The following ALK variants were observed in gnomAD, a reference collection of about 807,000 sequenced individuals.
The protein encoded by ALK is ALK tyrosine kinase receptor.
ALK carries 74 observed loss-of-function variants against 163.1 expected under a neutral mutation model. The ratio of observed to expected loss-of-function variants is 0.45; its 90% CI spans 0.38 to 0.55. The LOEUF is 0.55. Among genes scored for constraint, ALK ranks in the 20% least tolerant of loss-of-function variants. The pLI, the probability that ALK is intolerant of heterozygous loss-of-function variation, is 0.00. For missense variants in ALK, 2,063 were observed against 2,105.3 expected (o/e 0.98, Z 0.39); for synonymous variants, 960 against 843.2 (o/e 1.14, Z -2.40).
At chr2:29,798,306 C>A (rs1053217587) in intron 1 of ALK, among the ~76,000 whole-genome samples, 2 of 152,150 alleles carry the variant, frequency 1.3e-5, no homozygotes, top group Non-Finnish European at 2.9e-5. Flanking sequence ...TTTGGGAAAG[C>A]CAAGTACACT....
rs547868954 is a variant in ALK at position 29,365,715 on chromosome 2, G to C, written c.1282+18017C>G. On this transcript the variant is annotated intron_variant, in intron 5 of 28. Coordinates refer to ENST00000389048, the MANE Select transcript of ALK (RefSeq NM_004304.5). ...ACCAAAAAGGGTTGGGTATTTAATG[G>C]AACATCAGAATTTTAAAATATTTTG... Among the ~76,000 whole-genome samples the C allele has an allele frequency of 4.6e-5, 7 of 152,236 alleles. No individual in the cohort carries two copies. The South Asian group carries it at 1.5e-3, about 32-fold the overall frequency.
chr2:29,495,535 T>C (rs1454168833), intron 4 of ALK, among the ~76,000 whole-genome samples: 1 of 152,140 alleles, frequency 6.6e-6, no homozygotes, highest in Admixed American at 6.5e-5. Flanking sequence ...CCCTGGTGGT[T>C]TTCTTACCCT....
chr2:29,665,267 G>A (rs180817781), intron 3 of ALK, among the ~76,000 whole-genome samples: 7 of 151,984 alleles, frequency 4.6e-5, no homozygotes, highest in Admixed American at 1.3e-4. Context: ...GAATACAGGC[G>A]TGAACCACCA....
intron 25 of ALK, among the ~76,000 whole-genome samples, chr2:29,208,482 G>A (rs1558613669): frequency 6.6e-6 from 1 of 151,186 alleles, no homozygotes; most frequent in Non-Finnish European, 1.5e-5. Context: ...TGAGGAGGGA[G>A]AGGAAGGAAC....
chr2:29,816,666 T>G (rs1055259872), intron 1 of ALK, among the ~76,000 whole-genome samples: 5 of 152,156 alleles, frequency 3.3e-5, no homozygotes, highest in Admixed American at 2.6e-4. Flanking sequence ...GGCCACAAGG[T>G]CGGTCCCCCT....
intron 3 of ALK, among the ~76,000 whole-genome samples, chr2:29,564,890 C>T (rs1573460128): frequency 6.6e-6 from 1 of 152,284 alleles, no homozygotes; most frequent in East Asian, 1.9e-4. Flanking sequence ...TGTTCTCTTG[C>T]TTTATTACAG....
At chr2:29,694,180 A>G (rs1335690721) in intron 3 of ALK, among the ~76,000 whole-genome samples, 2 of 152,182 alleles carry the variant, frequency 1.3e-5, no homozygotes, top group Non-Finnish European at 2.9e-5. Context: ...CAATTTAACA[A>G]TTTAACAGTT....
At chr2:29,779,953 C>T (rs572750766) in intron 1 of ALK, among the ~76,000 whole-genome samples, 41 of 152,186 alleles carry the variant, frequency 2.7e-4, no homozygotes, top group Non-Finnish European at 5.1e-4. Flanking sequence ...CACCAGGAAA[C>T]TGTCTTACAT....
chr2:29,715,116 C>G (rs1679208935), intron 2 of ALK, among the ~76,000 whole-genome samples: 1 of 152,134 alleles, frequency 6.6e-6, no homozygotes, highest in African/African-American at 2.4e-5. Context: ...GGCCAAGCAC[C>G]CAGAGATGGT....
chr2:29,576,113 C>A (rs915960549), intron 3 of ALK, among the ~76,000 whole-genome samples: 2 of 152,166 alleles, frequency 1.3e-5, no homozygotes, highest in Non-Finnish European at 2.9e-5. Context: ...CTGGGGCTGA[C>A]TGATTGGCTG....
At chr2:29,884,401 T>C (rs1475318654) in intron 1 of ALK, among the ~76,000 whole-genome samples, 2 of 152,132 alleles carry the variant, frequency 1.3e-5, no homozygotes, top group East Asian at 1.9e-4. Context: ...ATATGTGCCA[T>C]AGATTGAGGT....
At chr2:29,411,953 C>A (rs762453503) in intron 4 of ALK, among the ~76,000 whole-genome samples, 2 of 152,202 alleles carry the variant, frequency 1.3e-5, no homozygotes, top group African/African-American at 4.8e-5. Flanking sequence ...CCAGCCCAAG[C>A]GCAAGCAAGT....
chr2:29,646,024 C>T (rs529750983), intron 3 of ALK, among the ~76,000 whole-genome samples: 25 of 152,234 alleles, frequency 1.6e-4, no homozygotes, highest in African/African-American at 6.0e-4. Context: ...GGATTTGTAT[C>T]TTCAGCCGAG....
At chr2:29,727,525 T>C (rs1679608201) in intron 1 of ALK, among the ~76,000 whole-genome samples, 1 of 152,188 alleles carries the variant, frequency 6.6e-6, no homozygotes, top group South Asian at 2.1e-4. Context: ...TTTCTCTGCA[T>C]GTAAAACAGA....
intron 22 of ALK, among the ~76,000 whole-genome samples, chr2:29,221,805 C>A (rs888694218): frequency 3.9e-5 from 6 of 152,140 alleles, no homozygotes; most frequent in African/African-American, 1.4e-4. Flanking sequence ...AATATCTGCC[C>A]CCTCCTTGAG....
At chr2:29,555,093 T>C (rs1673812628) in intron 3 of ALK, among the ~76,000 whole-genome samples, 1 of 152,198 alleles carries the variant, frequency 6.6e-6, no homozygotes, top group Non-Finnish European at 1.5e-5. Flanking sequence ...ACCATTCTTT[T>C]ATTCTTCTAC....
chr2:29,667,111 T>G lies in ALK; in HGVS notation c.952+27739A>C, dbSNP rs117649163. Among the ~76,000 whole-genome samples the G allele has an allele frequency of 9.1e-4, 138 of 152,286 alleles. No homozygotes were observed. The East Asian group carries it at 0.026, about 28-fold the overall frequency. On this transcript the variant is annotated intron_variant, in intron 3 of 28. Coordinates refer to ENST00000389048, the MANE Select transcript of ALK (RefSeq NM_004304.5). ...TGGGCACTTAGGTTGAGTCCATATT[T>G]TGACTATTGTGAATAGTGTTGCAAT...
intron 11 of ALK, among the ~76,000 whole-genome samples, chr2:29,262,056 C>A (rs17783218): frequency 0.048 from 7,384 of 152,264 alleles, 219 homozygotes; most frequent in Non-Finnish European, 0.074. Flanking sequence ...TTTCAATGGA[C>A]AATTTATGGT....
At chr2:29,901,610 T>C (rs563842109) in intron 1 of ALK, among the ~76,000 whole-genome samples, 29 of 152,326 alleles carry the variant, frequency 1.9e-4, no homozygotes, top group African/African-American at 7.0e-4. Context: ...TCATTGAGAA[T>C]CAGTGCTTTA....
Sources: allele counts gnomAD v4.1 joint callset (sites outside exome capture counted in the v4.1 genomes callset), GRCh38; gene constraint gnomAD v4.1.1; transcripts MANE v1.5; gene names NCBI Gene and HGNC (gene_info 2026-07-23, HGNC 2026-07-21).